The following SLC23A2 variants were observed in gnomAD, a reference collection of about 807,000 sequenced individuals.
SLC23A2 encodes Na(+)/L-ascorbic acid transporter 2.
Under a neutral mutation model 73.3 loss-of-function variants are expected in SLC23A2, and 36 were observed. The observed-to-expected ratio is 0.49, with a 90% CI of 0.38 to 0.65. The LOEUF (loss-of-function observed/expected upper bound fraction) is 0.65. SLC23A2 is among the 30% of genes least tolerant of loss of function. SLC23A2 has a pLI of 0.00. For missense variants in SLC23A2, 507 were observed against 841.6 expected, an observed-to-expected ratio of 0.60 and a Z score of 4.92; for synonymous variants, 343 against 327.3, an observed-to-expected ratio of 1.05 and a Z score of -0.52.
At chr20:4,904,940 C>G (rs1600118342) in intron 4 of SLC23A2, among the ~76,000 whole-genome samples, 1 of 151,894 alleles carries the variant, frequency 6.6e-6, no homozygotes, top group South Asian at 2.1e-4. Context: ...ATGGTGAAAC[C>G]CTGTCTCTAC....
At chr20:4,936,299 C>T (rs967956483) in intron 2 of SLC23A2, among the ~76,000 whole-genome samples, 12 of 152,046 alleles carry the variant, frequency 7.9e-5, no homozygotes, top group Non-Finnish European at 1.3e-4. Flanking sequence ...GAAAATAAAA[C>T]GGGCAAATAG....
At chr20:4,996,685 CAAAAAAAAAAA>C (rs1555809857) in intron 1 of SLC23A2, among the ~76,000 whole-genome samples, 3 of 54,780 alleles carry the variant, frequency 5.5e-5, no homozygotes, top group East Asian at 5.3e-4. Flanking sequence ...GATTCCATCT[CAAAAAAAAAAA>C]AAAAAAAAAA....
intron 4 of SLC23A2, among the ~76,000 whole-genome samples, 192 bp downstream of exon 4, chr20:4,912,688 A>C (rs1386629656): frequency 4.0e-5 from 6 of 150,800 alleles, no homozygotes; most frequent in East Asian, 1.9e-4. Context: ...AAAAAAAAAA[A>C]CTAGTAACTT....
At chr20:4,925,406 C>T (rs1157478388) in intron 3 of SLC23A2, among the ~76,000 whole-genome samples, 1 of 152,172 alleles carries the variant, frequency 6.6e-6, no homozygotes, top group Non-Finnish European at 1.5e-5. Flanking sequence ...CCAGCTGCCA[C>T]AAGATTGACG....
At chr20:4,986,882 A>G (rs1159709093) in intron 1 of SLC23A2, among the ~76,000 whole-genome samples, 1 of 152,088 alleles carries the variant, frequency 6.6e-6, no homozygotes, top group Non-Finnish European at 1.5e-5. Context: ...CACCAGAAAA[A>G]GTATATTTGA....
At chr20:4,869,770 A>G in intron 12 of SLC23A2, 136 bp downstream of exon 12, 3 of 691,804 alleles carry the variant, frequency 4.3e-6, no homozygotes, top group Non-Finnish European at 7.3e-6. Flanking sequence ...GTGATGCATC[A>G]AACAGTCGCT....
chr20:4,884,528 T>G (rs1468850072), intron 8 of SLC23A2, among the ~76,000 whole-genome samples: 2 of 152,200 alleles, frequency 1.3e-5, no homozygotes, highest in East Asian at 3.8e-4. Context: ...TCTGTGGGTG[T>G]GCAGGAGGGA....
intron 9 of SLC23A2, among the ~76,000 whole-genome samples, chr20:4,879,241 T>C (rs1236264364): frequency 6.7e-6 from 1 of 149,134 alleles, no homozygotes; most frequent in African/African-American, 2.6e-5. Context: ...ACCCTGTCTC[T>C]ACTAAAAATA....
At chr20:5,005,402 T>C (rs950347053), upstream of SLC23A2, among the ~76,000 whole-genome samples, 2 of 152,204 alleles carry the variant, frequency 1.3e-5, no homozygotes, top group South Asian at 2.1e-4. Flanking sequence ...AAGGTTTTTT[T>C]TTCCTCCTCC....
intron 3 of SLC23A2, among the ~76,000 whole-genome samples, chr20:4,913,606 GTTT>G (rs573042876): frequency 3.6e-4 from 54 of 151,536 alleles, no homozygotes; most frequent in African/African-American, 1.3e-3. Flanking sequence ...GTTTTTTTAG[GTTT>G]TGTTGTTGTT....
chr20:4,961,288 A>C (rs139628865), intron 2 of SLC23A2, among the ~76,000 whole-genome samples: 1 of 151,902 alleles, frequency 6.6e-6, no homozygotes, highest in African/African-American at 2.4e-5. Context: ...TCACCTTGTT[A>C]GCCAGGATGG....
At chr20:4,958,517 A>C (rs1009047539) in intron 2 of SLC23A2, among the ~76,000 whole-genome samples, 1 of 152,152 alleles carries the variant, frequency 6.6e-6, no homozygotes, top group Admixed American at 6.6e-5. Flanking sequence ...AACAAAATAC[A>C]TTTATCTAAT....
rs564045550 is a variant in SLC23A2 at position 4,857,833 on chromosome 20, A to T, written c.1721-629T>A. Among the ~76,000 whole-genome samples the T allele has an allele frequency of 6.6e-6, 1 of 152,322 alleles. No homozygotes were observed. The highest frequency in any genetic ancestry group is 6.5e-5 in the Admixed American group (1 of 15,306). On this transcript the variant is annotated intron_variant, in intron 16 of 16. Coordinates refer to ENST00000338244, the MANE Select transcript of SLC23A2 (RefSeq NM_005116.6). The surrounding 1 kb of genome is among the most constrained non-coding windows in gnomAD (Gnocchi z 4.0). Reference sequence around the variant, plus strand: ...GTAATCTTAACTACTCAGGAGGCTGAGACAGGAGAATTGCTTGAACCCGAG... The same window carrying T: ...GTAATCTTAACTACTCAGGAGGCTGTGACAGGAGAATTGCTTGAACCCGAG...
rs886955011 is a variant in SLC23A2, at chr20:4,854,881, A to G, written c.*2091T>C. On this transcript the variant is annotated 3_prime_UTR_variant, in exon 17 of 17. Transcript: ENST00000338244. ...TCACCTGGAGAGCTAGAAGATTGCA[A>G]ATCTCTGGGATGTTTAGCAGTTTTC... 1 of 152,224 alleles carries G rather than the reference A, an allele frequency of 6.6e-6. No individual in the cohort carries two copies. The highest frequency in any genetic ancestry group is 2.4e-5 in the African/African-American group (1 of 41,398). 9.4% of individuals were successfully genotyped at this position (152,224 alleles called of 1,614,324 possible). A position where few individuals can be genotyped will look rare whatever the true frequency, so the allele number is the denominator to read the frequency against.
At chr20:4,923,155 C>T (rs1335317862) in intron 3 of SLC23A2, among the ~76,000 whole-genome samples, 1 of 151,478 alleles carries the variant, frequency 6.6e-6, no homozygotes, top group Non-Finnish European at 1.5e-5. Context: ...GCCTGTAATC[C>T]CAGCACTTTG....
At position 4,874,660 on chromosome 20, in the gene SLC23A2, G is replaced by A. The variant is rs757195265; in HGVS notation, c.861C>T (p.Ala287=). 4 of 1,611,682 alleles carry A rather than the reference G, an allele frequency of 2.5e-6. No individual in the cohort carries two copies. The highest frequency in any genetic ancestry group is 4.5e-5 in the East Asian group (2 of 44,860). ...TCGGGAGAGGAAATTTAACATTTCTGGCGTATTGAGAAAACAGTAATACTA... is the reference window on the plus strand; with the variant it reads ...TCGGGAGAGGAAATTTAACATTTCTAGCGTATTGAGAAAACAGTAATACTA... ...IFLVLLFSQY[A]RNVKFPLPIY... is the part of the protein sequence containing the mutation. Residue 287 remains alanine, a synonymous_variant, in exon 10 of 17, where the codon GCC becomes GCT. Transcript: ENST00000338244.
At chr20:4,937,496 G>A (rs2086978297) in intron 2 of SLC23A2, among the ~76,000 whole-genome samples, 1 of 152,088 alleles carries the variant, frequency 6.6e-6, no homozygotes, top group Admixed American at 6.6e-5. Context: ...GCTAAGTGTC[G>A]GTGTGTGCCA....
intron 2 of SLC23A2, among the ~76,000 whole-genome samples, chr20:4,964,697 G>T (rs987777440): frequency 3.3e-5 from 5 of 152,042 alleles, no homozygotes; most frequent in African/African-American, 1.2e-4. Context: ...AATTAGCCAG[G>T]TGTGGTAGCA....
At chr20:4,886,275 T>G (rs1176711757) in intron 6 of SLC23A2, among the ~76,000 whole-genome samples, 1 of 152,200 alleles carries the variant, frequency 6.6e-6, no homozygotes, top group African/African-American at 2.4e-5. Flanking sequence ...TAAACATCAG[T>G]GTATTTCTGC....
Sources: allele counts gnomAD v4.1 joint callset (sites outside exome capture counted in the v4.1 genomes callset), GRCh38; gene constraint gnomAD v4.1.1; non-coding constraint Gnocchi (gnomAD v3.1); transcripts MANE v1.5; gene names NCBI Gene and HGNC (gene_info 2026-07-23, HGNC 2026-07-21).